The following TMEM135 variants were observed in gnomAD, a reference collection of about 807,000 sequenced individuals.
The protein encoded by TMEM135 is peroxisomal membrane protein 52.
TMEM135 carries 30 observed loss-of-function variants against 60.3 expected under a neutral mutation model. The observed-to-expected ratio is 0.50, with a 90% CI of 0.37 to 0.68. The LOEUF (loss-of-function observed/expected upper bound fraction) is 0.68, where lower values mean the gene tolerates loss of function less well. Ranked by LOEUF, TMEM135 falls within the 30% of genes least tolerant of loss-of-function variation. TMEM135 has a pLI of 0.00. For synonymous variants in TMEM135, 190 were observed against 186.7 expected (o/e 1.02, Z -0.14); for missense variants, 468 against 548.8 (o/e 0.85, Z 1.47).
At chr11:87,133,328 A>G (rs1305531060) in intron 4 of TMEM135, among the ~76,000 whole-genome samples, 1 of 152,144 alleles carries the variant, frequency 6.6e-6, no homozygotes, top group Non-Finnish European at 1.5e-5. Flanking sequence ...CGTAACCATC[A>G]CCACATACTA....
intron 12 of TMEM135, among the ~76,000 whole-genome samples, chr11:87,316,735 T>G (rs373633810): frequency 6.6e-6 from 1 of 152,060 alleles, no homozygotes; most frequent in East Asian, 1.9e-4. Context: ...AAACCAATAT[T>G]GAGATCTAGT....
intron 5 of TMEM135, among the ~76,000 whole-genome samples, chr11:87,221,312 G>C (rs1030650112): frequency 2.6e-5 from 4 of 152,110 alleles, no homozygotes; most frequent in Non-Finnish European, 5.9e-5. Flanking sequence ...GATTTTTATA[G>C]TATATTATTT....
chr11:87,307,380 C>CAAAAAAAAAA (rs5793247), intron 9 of TMEM135, among the ~76,000 whole-genome samples: 1 of 137,928 alleles, frequency 7.3e-6, no homozygotes. Flanking sequence ...TTAAAGTGGC[C>CAAAAAAAAAA]AAAAAAAAAA....
intron 6 of TMEM135, among the ~76,000 whole-genome samples, chr11:87,269,771 T>C: frequency 6.6e-6 from 1 of 151,232 alleles, no homozygotes; most frequent in Non-Finnish European, 1.5e-5. Context: ...TGGTTCTAAG[T>C]CTTTGCTATT....
rs186412034 is a variant in TMEM135 at position 87,312,778 on chromosome 11, C to T, written c.937-647C>T. Among the ~76,000 whole-genome samples, 66 of 151,886 alleles carry T rather than the reference C, an allele frequency of 4.3e-4. No individual in the cohort carries two copies. The East Asian group carries it at 0.011, about 26-fold the overall frequency. The stretch of plus-strand genomic sequence containing the variant: ...AGCCATATAAAAACAAGTAGCAGGC[C>T]AGATTTGGCTAGTGAGCCATAGTTT... On this transcript the variant is annotated intron_variant, in intron 10 of 14. Transcript: ENST00000305494.
Position 87,327,193 on chromosome 11 carries a change from A to G in TMEM135, c.*5860A>G. The G allele has an allele frequency of 2.2e-6, 1 of 454,048 alleles. No homozygotes were observed. Among genetic ancestry groups the G allele is most frequent in the Non-Finnish European group, 4.4e-6 (1 of 226,786 alleles). 28.1% of individuals were successfully genotyped at this position (454,048 alleles called of 1,614,324 possible). A position where few individuals can be genotyped will look rare whatever the true frequency, so the allele number is the denominator to read the frequency against. On this transcript the variant is annotated 3_prime_UTR_variant, in exon 15 of 15. Transcript: ENST00000305494. ...TTTTGGCCAATAAAATGTAATGGAA[A>G]ATCTGGGAAACACTTGGGAAAAATC...
intron 8 of TMEM135, among the ~76,000 whole-genome samples, chr11:87,303,182 C>T (rs549882204): frequency 6.6e-6 from 1 of 152,182 alleles, no homozygotes; most frequent in South Asian, 2.1e-4. Context: ...GTGAGCATTA[C>T]CGTTTGAACT....
At chr11:87,096,324 T>C in intron 4 of TMEM135, 1 of 246,510 alleles carries the variant, frequency 4.1e-6, no homozygotes, top group Non-Finnish European at 8.1e-6. Flanking sequence ...TCAAAGAGTT[T>C]GGAAAGGCAG....
At chr11:87,267,864 G>A (rs1468067156) in intron 6 of TMEM135, among the ~76,000 whole-genome samples, 1 of 151,966 alleles carries the variant, frequency 6.6e-6, no homozygotes, top group Non-Finnish European at 1.5e-5. Context: ...GAGAATTTTT[G>A]TATTTTTAGT....
At chr11:87,127,945 A>G (rs1215134725) in intron 4 of TMEM135, among the ~76,000 whole-genome samples, 1 of 152,208 alleles carries the variant, frequency 6.6e-6, no homozygotes, top group African/African-American at 2.4e-5. Context: ...TGTGAGAAGA[A>G]ATATCTGCTT....
chr11:87,176,819 G>A (rs1333160358), intron 5 of TMEM135, among the ~76,000 whole-genome samples: 4 of 152,104 alleles, frequency 2.6e-5, no homozygotes, highest in Non-Finnish European at 5.9e-5. Context: ...TTTTACACAT[G>A]TATACCTCTT....
At chr11:87,215,767 A>G (rs1940486375) in intron 5 of TMEM135, among the ~76,000 whole-genome samples, 1 of 152,194 alleles carries the variant, frequency 6.6e-6, no homozygotes, top group Non-Finnish European at 1.5e-5. Flanking sequence ...GTTGTGGCCA[A>G]CTTTGTAAAC....
At chr11:87,158,213 A>G (rs532062130) in intron 5 of TMEM135, among the ~76,000 whole-genome samples, 87 of 152,282 alleles carry the variant, frequency 5.7e-4, no homozygotes, top group African/African-American at 2.0e-3. Flanking sequence ...GGCATGAGCC[A>G]CCATGCCTAG....
intron 5 of TMEM135, among the ~76,000 whole-genome samples, chr11:87,226,360 G>A (rs920652075): frequency 2.6e-5 from 4 of 152,096 alleles, no homozygotes; most frequent in Non-Finnish European, 4.4e-5. Flanking sequence ...TGTCTTGATT[G>A]TTATTTGACC....
chr11:87,079,322 G>C (rs564195821), intron 3 of TMEM135, among the ~76,000 whole-genome samples: 5 of 152,148 alleles, frequency 3.3e-5, no homozygotes, highest in Admixed American at 1.3e-4. Context: ...TCTTTTAAAA[G>C]TTGTATAGTT....
Position 87,327,514 on chromosome 11 carries a change from G to A in TMEM135, c.*6181G>A, listed in dbSNP as rs148066928. The A allele has an allele frequency of 3.3e-4, 148 of 453,630 alleles. No homozygotes were observed. Among genetic ancestry groups the A allele is most frequent in the African/African-American group, 2.8e-3 (139 of 50,040 alleles). The allele number at this position is 453,630 out of a possible 1,614,324, so 28.1% of individuals were successfully genotyped here. The stretch of plus-strand genomic sequence containing the variant: ...GTTTCCCAGAGAGGCAGAACAATAG[G>A]GATAGAGAGATACATAGAGAGAGAT... On this transcript the variant is annotated 3_prime_UTR_variant, in exon 15 of 15. Transcript: ENST00000305494.
At chr11:87,141,938 T>G (rs1938274029) in intron 4 of TMEM135, among the ~76,000 whole-genome samples, 1 of 152,192 alleles carries the variant, frequency 6.6e-6, no homozygotes, top group Non-Finnish European at 1.5e-5. Context: ...GAATGGTGTC[T>G]TAATTACTAA....
chr11:87,276,700 G>A (rs1221703403), intron 6 of TMEM135, among the ~76,000 whole-genome samples: 4 of 124,736 alleles, frequency 3.2e-5, no homozygotes, highest in Non-Finnish European at 6.5e-5. Flanking sequence ...ATGGAGTCTA[G>A]CTTTGTCACC....
intron 3 of TMEM135, among the ~76,000 whole-genome samples, chr11:87,075,957 G>A (rs771762038): frequency 7.2e-5 from 11 of 152,102 alleles, no homozygotes; most frequent in Non-Finnish European, 1.3e-4. Flanking sequence ...CATCCCTGTG[G>A]CTACCATCCC....
Sources: allele counts gnomAD v4.1 joint callset (sites outside exome capture counted in the v4.1 genomes callset), GRCh38; gene constraint gnomAD v4.1.1; transcripts MANE v1.5; gene names NCBI Gene and HGNC (gene_info 2026-07-23, HGNC 2026-07-21).